ANTXR1: variants seen among roughly 807,000 people sequenced by gnomAD.
ANTXR1 encodes the protein ANTXR cell adhesion molecule 1, also known as anthrax toxin receptor 1.
In ANTXR1, 19 loss-of-function variants were observed where a neutral mutation model predicts 78.1. That is an observed-to-expected ratio of 0.24 (90% CI 0.17 to 0.36). The LOEUF (loss-of-function observed/expected upper bound fraction) is 0.36, where lower values mean the gene tolerates loss of function less well. Ranked by LOEUF, ANTXR1 falls within the 10% of genes least tolerant of loss-of-function variation. The pLI is 1.00. For synonymous variants in ANTXR1, 273 were observed against 260.5 expected, an observed-to-expected ratio of 1.05 and a Z score of -0.46; for missense variants, 518 against 718.6, an observed-to-expected ratio of 0.72 and a Z score of 3.19.
intron 17 of ANTXR1, among the ~76,000 whole-genome samples, chr2:69,209,730 T>G (rs1674993218): frequency 6.6e-6 from 1 of 152,224 alleles, no homozygotes; most frequent in African/African-American, 2.4e-5. Flanking sequence ...TGGAAAGAGC[T>G]TGGCATGTTG....
intron 10 of ANTXR1, among the ~76,000 whole-genome samples, chr2:69,105,420 A>G (rs1671776812): frequency 6.6e-6 from 1 of 152,278 alleles, no homozygotes; most frequent in Non-Finnish European, 1.5e-5. Context: ...AAACTCAAGC[A>G]TACAGCTATT....
intron 17 of ANTXR1, among the ~76,000 whole-genome samples, chr2:69,219,949 CA>C (rs1675281558): frequency 6.6e-6 from 1 of 152,054 alleles, no homozygotes; most frequent in Admixed American, 6.5e-5. Flanking sequence ...TGCTGAAAAG[CA>C]AAATAATACC....
At chr2:69,023,355 CAATGTT>C (rs1228297160) in intron 1 of ANTXR1, among the ~76,000 whole-genome samples, 3 of 151,040 alleles carry the variant, frequency 2.0e-5, no homozygotes, top group Non-Finnish European at 3.0e-5. Flanking sequence ...GTGATTATGG[CAATGTT>C]GATAGTTGTG....
intron 10 of ANTXR1, among the ~76,000 whole-genome samples, chr2:69,120,377 A>C (rs901582818): frequency 8.5e-5 from 13 of 152,156 alleles, no homozygotes; most frequent in African/African-American, 3.1e-4. Context: ...GAAAATAATA[A>C]TGCTTGGGCC....
intron 3 of ANTXR1, among the ~76,000 whole-genome samples, chr2:69,066,835 A>G (rs1046255783): frequency 6.6e-5 from 10 of 152,210 alleles, no homozygotes; most frequent in Non-Finnish European, 1.2e-4. Flanking sequence ...TCTAAGTAGG[A>G]ACACTGGCAG....
chr2:69,235,651 C>CAAAAAAAAA (rs554310438), intron 17 of ANTXR1, among the ~76,000 whole-genome samples: 4 of 58,224 alleles, frequency 6.9e-5, no homozygotes, highest in East Asian at 5.8e-4. Context: ...AACCCCGTCT[C>CAAAAAAAAA]AAAAAAAAAA....
intron 12 of ANTXR1, among the ~76,000 whole-genome samples, chr2:69,136,702 A>C (rs192579338): frequency 3.9e-5 from 6 of 152,360 alleles, no homozygotes; most frequent in African/African-American, 1.4e-4. Context: ...CAATTAGCCA[A>C]GCATAGAACA....
At chr2:69,176,292 G>T (rs762565867) in intron 14 of ANTXR1, among the ~76,000 whole-genome samples, 4 of 152,132 alleles carry the variant, frequency 2.6e-5, no homozygotes, top group Non-Finnish European at 5.9e-5. Context: ...ATATAATGGT[G>T]CCATGACATG....
chr2:69,244,762 G>C (rs1316242329), intron 17 of ANTXR1, among the ~76,000 whole-genome samples: 1 of 152,182 alleles, frequency 6.6e-6, no homozygotes, highest in African/African-American at 2.4e-5. Context: ...AGAAGGCAAA[G>C]TAGCAGCAGG....
intron 17 of ANTXR1, among the ~76,000 whole-genome samples, chr2:69,209,806 T>C (rs1373349266): frequency 4.6e-5 from 7 of 152,208 alleles, no homozygotes; most frequent in Non-Finnish European, 1.0e-4. Flanking sequence ...GAGATGGCCA[T>C]GCAGGCAGGC....
At chr2:69,076,602 T>C (rs1485819167) in intron 7 of ANTXR1, among the ~76,000 whole-genome samples, 1 of 152,212 alleles carries the variant, frequency 6.6e-6, no homozygotes, top group East Asian at 1.9e-4. Flanking sequence ...TATGTTCACA[T>C]AGAAAAAGTA....
chr2:69,161,135 G>A (rs1673672755), intron 13 of ANTXR1, among the ~76,000 whole-genome samples: 1 of 152,170 alleles, frequency 6.6e-6, no homozygotes, highest in Admixed American at 6.5e-5. Context: ...CAAGCCTCAG[G>A]GAATCTGAAA....
At chr2:69,056,313 C>T (rs1340109299) in intron 3 of ANTXR1, among the ~76,000 whole-genome samples, 1 of 152,208 alleles carries the variant, frequency 6.6e-6, no homozygotes, top group Non-Finnish European at 1.5e-5. Context: ...CCTGACTCAG[C>T]TCCTTTACCA....
chr2:69,154,790 T>A (rs918727565), intron 13 of ANTXR1, among the ~76,000 whole-genome samples: 10 of 152,168 alleles, frequency 6.6e-5, no homozygotes, highest in African/African-American at 2.4e-4. Context: ...ATCTTTTCTT[T>A]AGGAGTGATA....
At chr2:69,078,389 C>T (rs113051838) in intron 8 of ANTXR1, among the ~76,000 whole-genome samples, 2,174 of 152,264 alleles carry the variant, frequency 0.014, 59 homozygotes, top group African/African-American at 0.05. Flanking sequence ...ATTCAGAGCT[C>T]AGGGGATCAC....
chr2:69,038,540 C>T (rs1450868657), intron 1 of ANTXR1, among the ~76,000 whole-genome samples: 1 of 152,170 alleles, frequency 6.6e-6, no homozygotes, highest in Non-Finnish European at 1.5e-5. Context: ...ATATAATGAA[C>T]ACCCATGTGT....
intron 17 of ANTXR1, among the ~76,000 whole-genome samples, chr2:69,207,399 G>C (rs1486829348): frequency 1.3e-5 from 2 of 152,120 alleles, no homozygotes; most frequent in Non-Finnish European, 1.5e-5. Context: ...GGCTTCCCCA[G>C]AAATACCAAC....
chr2:69,126,357 T>C (rs1672538740), intron 12 of ANTXR1, among the ~76,000 whole-genome samples: 1 of 152,186 alleles, frequency 6.6e-6, no homozygotes, highest in Non-Finnish European at 1.5e-5. Flanking sequence ...GTCTCAGACA[T>C]CTGGTCAACC....
intron 12 of ANTXR1, among the ~76,000 whole-genome samples, chr2:69,131,782 G>T (rs1475001903): frequency 1.3e-5 from 2 of 152,206 alleles, no homozygotes; most frequent in African/African-American, 4.8e-5. Flanking sequence ...GGGGCTCTGA[G>T]TTGGTTGGGA....
Sources: gnomAD v4.1 joint callset for allele counts (sites outside exome capture counted in the v4.1 genomes callset) on GRCh38, gnomAD v4.1.1 for gene constraint, MANE v1.5 for transcripts, NCBI Gene and HGNC (gene_info 2026-07-23, HGNC 2026-07-21) for gene names.